The following PTCHD4 variants were observed in gnomAD, a reference collection of about 807,000 sequenced individuals.
PTCHD4 encodes the protein patched domain-containing protein 4.
Under a neutral mutation model 58.1 loss-of-function variants are expected in PTCHD4, and 33 were observed. That is an observed-to-expected ratio of 0.57 (90% CI 0.43 to 0.76). PTCHD4 has a LOEUF of 0.76. Among genes scored for constraint, PTCHD4 ranks in the 30% least tolerant of loss-of-function variants. PTCHD4 has a pLI of 0.00. For missense variants in PTCHD4, 1,058 were observed against 1,027.1 expected (o/e 1.03, Z -0.41); for synonymous variants, 478 against 409.6 (o/e 1.17, Z -2.02).
intron 4 of PTCHD4, among the ~76,000 whole-genome samples, chr6:47,882,312 A>G (rs377493319): frequency 7.2e-5 from 11 of 152,016 alleles, no homozygotes; most frequent in African/African-American, 2.7e-4. Flanking sequence ...TTTTTGCTTT[A>G]TGTAGTACAA....
At chr6:48,063,268 C>T (rs1764693694) in intron 3 of PTCHD4, among the ~76,000 whole-genome samples, 1 of 152,156 alleles carries the variant, frequency 6.6e-6, no homozygotes, top group African/African-American at 2.4e-5. Flanking sequence ...ATTTGCTAAA[C>T]TCTCCACAGT....
chr6:48,097,857 A>G (rs1765506774), intron 1 of PTCHD4, among the ~76,000 whole-genome samples: 1 of 152,252 alleles, frequency 6.6e-6, no homozygotes, highest in Admixed American at 6.5e-5. Flanking sequence ...ACCTTTCTGA[A>G]TATATGTGAA....
intron 3 of PTCHD4, among the ~76,000 whole-genome samples, chr6:48,026,216 C>T (rs11755876): frequency 0.024 from 3,722 of 152,206 alleles, 61 homozygotes; most frequent in Middle Eastern, 0.041. Flanking sequence ...GGGAATTAGT[C>T]CCTGACTCCC....
chr6:47,882,362 G>A (rs1764042024), intron 4 of PTCHD4, among the ~76,000 whole-genome samples: 1 of 152,032 alleles, frequency 6.6e-6, no homozygotes, highest in South Asian at 2.1e-4. Flanking sequence ...AACCATATTA[G>A]ATTAGGTAAT....
chr6:47,883,080 A>T (rs1042161498), intron 4 of PTCHD4, among the ~76,000 whole-genome samples: 3 of 151,964 alleles, frequency 2.0e-5, no homozygotes, highest in African/African-American at 7.2e-5. Flanking sequence ...ATAAATATCG[A>T]TTGTATCCAG....
intron 1 of PTCHD4, among the ~76,000 whole-genome samples, chr6:48,079,671 C>A (rs915959714): frequency 1.3e-5 from 2 of 150,960 alleles, no homozygotes; most frequent in African/African-American, 4.9e-5. Context: ...AATGAAAATA[C>A]CTTGTGACAA....
intron 1 of PTCHD4, among the ~76,000 whole-genome samples, chr6:48,084,996 G>A (rs186960326): frequency 1.4e-4 from 21 of 151,360 alleles, no homozygotes; most frequent in African/African-American, 4.8e-4. Context: ...CCCCTGCCTC[G>A]GCCTCCCAAA....
chr6:48,056,289 A>G (rs924610675), intron 3 of PTCHD4, among the ~76,000 whole-genome samples: 2 of 152,218 alleles, frequency 1.3e-5, no homozygotes, highest in Non-Finnish European at 2.9e-5. Context: ...TAACACATAT[A>G]CTTATTAGTG....
intron 1 of PTCHD4, among the ~76,000 whole-genome samples, chr6:48,089,240 C>A (rs1218352181): frequency 6.6e-6 from 1 of 152,080 alleles, no homozygotes; most frequent in Non-Finnish European, 1.5e-5. Context: ...TATTCTAAAG[C>A]AGACATGGTT....
chr6:48,077,840 A>G (rs1765089132), intron 1 of PTCHD4, among the ~76,000 whole-genome samples: 1 of 152,172 alleles, frequency 6.6e-6, no homozygotes, highest in Non-Finnish European at 1.5e-5. Context: ...GCAATCTTGT[A>G]TGGGTGCAGT....
Position 47,879,525 on chromosome 6 carries a change from G to C in PTCHD4, c.1310C>G (p.Pro437Arg). ...GTGCTGAATGAAGTGGTGCTGGTAG[G>C]GGTTCGTCTCATGATGGGACGTCTG... ...HQQTSHHETN[P>R]YQHHFIQHFL... Residue 437 changes from proline (P) to arginine (R), a missense_variant, in exon 5 of 5, where the codon CCC becomes CGC. Coordinates refer to ENST00000339488, the MANE Select transcript of PTCHD4 (RefSeq NM_001384253.1). The C allele has an allele frequency of 6.2e-7, 1 of 1,613,744 alleles. No individual in the cohort carries two copies. Among genetic ancestry groups the C allele is most frequent in the Non-Finnish European group, 8.5e-7 (1 of 1,179,786 alleles).
chr6:48,063,312 C>T (rs773114793), intron 3 of PTCHD4, among the ~76,000 whole-genome samples: 1 of 152,192 alleles, frequency 6.6e-6, no homozygotes, highest in Non-Finnish European at 1.5e-5. Flanking sequence ...AAACTAGAAG[C>T]TTCACTCTGT....
In PTCHD4 at chr6:48,068,344, G is replaced by A; in HGVS notation, c.303C>T (p.Asp101=). The A allele has an allele frequency of 1.9e-6, 3 of 1,613,980 alleles. No homozygotes were observed. The East Asian group carries it at 6.7e-5, about 36-fold the overall frequency. The change falls in exon 3 of 5, where the codon GAC becomes GAT. Residue 101 remains aspartate (D), a synonymous_variant. Coordinates refer to ENST00000339488, the MANE Select transcript of PTCHD4 (RefSeq NM_001384253.1). The surrounding 1 kb of genome is among the most constrained non-coding windows in gnomAD (Gnocchi z 4.2). ...TGCCATACCTCCCAGGGGTGTGTAAGTCCGAATAGAGCTGGCTTTTGGACT... is the reference window on the plus strand; with the variant it reads ...TGCCATACCTCCCAGGGGTGTGTAAATCCGAATAGAGCTGGCTTTTGGACT... ...LDQSKSQLYS[D]LHTPGRYGRV... is the part of the protein sequence containing the mutation.
At chr6:48,004,677 GA>G (rs1010783282) in intron 4 of PTCHD4, among the ~76,000 whole-genome samples, 1 of 152,170 alleles carries the variant, frequency 6.6e-6, no homozygotes, top group African/African-American at 2.4e-5. Flanking sequence ...AGAACTTTGG[GA>G]GGCCAAGGCA....
intron 3 of PTCHD4, among the ~76,000 whole-genome samples, chr6:48,030,048 T>A (rs1194199165): frequency 1.3e-5 from 2 of 151,980 alleles, no homozygotes; most frequent in African/African-American, 4.8e-5. Context: ...TGGCTTCCTA[T>A]CCTTGAGAGG....
At chr6:48,099,687 T>C (rs1765556775) in intron 1 of PTCHD4, among the ~76,000 whole-genome samples, 1 of 152,200 alleles carries the variant, frequency 6.6e-6, no homozygotes, top group African/African-American at 2.4e-5. Context: ...ATAGGGTCAG[T>C]CTGTCACTGC....
At chr6:48,099,001 C>A (rs999375807) in intron 1 of PTCHD4, among the ~76,000 whole-genome samples, 6 of 151,946 alleles carry the variant, frequency 3.9e-5, no homozygotes, top group Admixed American at 1.3e-4. Flanking sequence ...AAGCTCAGAA[C>A]CTCTACAGTA....
Position 47,875,497 on chromosome 6 carries a change from G to T in PTCHD4, c.*2806C>A, listed in dbSNP as rs1483675742. Among the ~76,000 whole-genome samples the T allele has an allele frequency of 6.6e-6, 1 of 151,640 alleles. No homozygotes were observed. The highest frequency in any genetic ancestry group is 1.9e-4 in the East Asian group (1 of 5,150). On this transcript the variant is annotated 3_prime_UTR_variant, in exon 5 of 5. Transcript: ENST00000339488. The stretch of plus-strand genomic sequence containing the variant: ...AGGACTGCATTAAGACACTTTAGGT[G>T]GTATATTAACTCTTCCAGAACAAAT...
intron 4 of PTCHD4, among the ~76,000 whole-genome samples, chr6:47,965,818 G>A (rs1405954268): frequency 1.3e-5 from 2 of 152,154 alleles, no homozygotes; most frequent in Non-Finnish European, 2.9e-5. Flanking sequence ...GGGAGGCTGA[G>A]GCAGGAGAAT....
Sources: allele counts gnomAD v4.1 joint callset (sites outside exome capture counted in the v4.1 genomes callset), GRCh38; gene constraint gnomAD v4.1.1; non-coding constraint Gnocchi (gnomAD v3.1); transcripts MANE v1.5; gene names NCBI Gene and HGNC (gene_info 2026-07-23, HGNC 2026-07-21).